NTN1: variants seen among roughly 807,000 people sequenced by gnomAD.
NTN1 encodes netrin-1.
NTN1 carries 11 observed loss-of-function variants against 54.2 expected under a neutral mutation model. The ratio of observed to expected loss-of-function variants is 0.20; its 90% CI spans 0.13 to 0.34. The LOEUF is 0.34. Among genes scored for constraint, NTN1 ranks in the 10% least tolerant of loss-of-function variants. The probability of loss-of-function intolerance (pLI) is 1.00; values close to 1 mark genes in which losing one functional copy is unlikely to be tolerated. For missense variants in NTN1, 740 were observed against 893.1 expected, an observed-to-expected ratio of 0.83 and a Z score of 2.18; for synonymous variants, 371 against 382.0, an observed-to-expected ratio of 0.97 and a Z score of 0.33.
At chr17:9,197,030 A>C in intron 5 of NTN1, among the ~76,000 whole-genome samples, 1 of 148,488 alleles carries the variant, frequency 6.7e-6, no homozygotes. Context: ...TGGTAAAATC[A>C]AAGCATTTTT....
intron 2 of NTN1, among the ~76,000 whole-genome samples, chr17:9,127,631 A>C (rs73268257): frequency 0.015 from 2,221 of 152,188 alleles, 56 homozygotes; most frequent in African/African-American, 0.047. Flanking sequence ...TAAAAGCCAC[A>C]GTGGGCACAG....
chr17:9,021,561 T>TGTGTGTGAGTGCGCGC lies in NTN1; in HGVS notation c.-87_-72dup. 6.7e-6 allele frequency: 1 copy of TGTGTGTGAGTGCGCGC among 149,140 alleles called. No individual in the cohort carries two copies. The highest frequency in any genetic ancestry group is 2.5e-5 in the African/African-American group (1 of 40,618). 9.2% of individuals were successfully genotyped at this position (149,140 alleles called of 1,614,324 possible). The stretch of plus-strand genomic sequence containing the variant: ...CGGAGCCTTCGGGGGCGAGCGCGCG[T>TGTGTGTGAGTGCGCGC]GTGTGTGAGTGCGCGCCGGCCAGCG... On this transcript the variant is annotated 5_prime_UTR_variant, in exon 1 of 7. Transcript: ENST00000173229.
chr17:9,216,423 TG>T (rs1343308255), intron 5 of NTN1, among the ~76,000 whole-genome samples: 2 of 152,260 alleles, frequency 1.3e-5, no homozygotes, highest in Non-Finnish European at 2.9e-5. Flanking sequence ...CATGCCCATT[TG>T]GCATGTACAC....
intron 3 of NTN1, chr17:9,173,870 G>A (rs1388556044): frequency 1.3e-5 from 2 of 152,328 alleles, no homozygotes; most frequent in African/African-American, 2.4e-5. Context: ...GAAGTCTTGT[G>A]AGGACTAGGA....
chr17:9,213,071 C>G (rs1374502950), intron 5 of NTN1, among the ~76,000 whole-genome samples: 4 of 152,208 alleles, frequency 2.6e-5, no homozygotes, highest in Non-Finnish European at 5.9e-5. Flanking sequence ...TGCAGGCCAC[C>G]TCTTGGCTCT....
At chr17:9,160,024 A>C (rs959342175) in intron 2 of NTN1, among the ~76,000 whole-genome samples, 13 of 152,160 alleles carry the variant, frequency 8.5e-5, no homozygotes, top group African/African-American at 3.1e-4. Flanking sequence ...CAACCCTGGG[A>C]GGTCCTTCTT....
rs142444167 is a variant in NTN1, at chr17:9,031,142, A to G, written c.1018+7751A>G. ...AGAGACTCCACACTTAATTGAGACA[A>G]TCTGTAGGACTACAGGGACCTCTAA... On this transcript the variant is annotated intron_variant, in intron 2 of 6. Coordinates refer to ENST00000173229, the MANE Select transcript of NTN1 (RefSeq NM_004822.3). Among the ~76,000 whole-genome samples the G allele has an allele frequency of 1.2e-3, 190 of 152,284 alleles. 1 individual carries two copies. Among genetic ancestry groups the G allele is most frequent in the African/African-American group, 3.9e-3 (164 of 41,556 alleles).
chr17:9,092,319 C>CTTTTTTTTTTTTTTTT (rs148786553), intron 2 of NTN1, among the ~76,000 whole-genome samples: 4 of 91,714 alleles, frequency 4.4e-5, no homozygotes, highest in Non-Finnish European at 6.2e-5. Flanking sequence ...CTTTTCTTCT[C>CTTTTTTTTTTTTTTTT]TTTTTTTTTT....
At chr17:9,044,286 G>A (rs1004840764) in intron 2 of NTN1, among the ~76,000 whole-genome samples, 1 of 151,240 alleles carries the variant, frequency 6.6e-6, no homozygotes, top group African/African-American at 2.4e-5. Flanking sequence ...CCAGGCTGGA[G>A]TGCAATGGCG....
intron 2 of NTN1, among the ~76,000 whole-genome samples, chr17:9,071,659 C>T (rs1008048059): frequency 1.3e-5 from 2 of 152,200 alleles, no homozygotes; most frequent in African/African-American, 2.4e-5. Context: ...TGCCCATGGG[C>T]GGGAGACCCT....
At chr17:9,236,875 G>A (rs1415808546) in intron 6 of NTN1, among the ~76,000 whole-genome samples, 3 of 152,196 alleles carry the variant, frequency 2.0e-5, no homozygotes, top group Non-Finnish European at 4.4e-5. Flanking sequence ...TTCACTGATG[G>A]GGGAAAGCTC....
intron 6 of NTN1, among the ~76,000 whole-genome samples, chr17:9,227,431 AT>A (rs1258943397): frequency 6.8e-6 from 1 of 147,518 alleles, no homozygotes; most frequent in Non-Finnish European, 1.5e-5. Context: ...TACATACACC[AT>A]CACACCACAC....
At chr17:9,015,077 C>T in the NTN1 span, among the ~76,000 whole-genome samples, 6 of 152,192 alleles carry the variant, frequency 3.9e-5, no homozygotes, top group African/African-American at 1.2e-4. Flanking sequence ...TTAGTAGATG[C>T]TTGGCACACA....
chr17:9,187,479 A>T (rs918314821), intron 5 of NTN1, among the ~76,000 whole-genome samples: 3 of 152,128 alleles, frequency 2.0e-5, no homozygotes, highest in Non-Finnish European at 4.4e-5. Context: ...GATACACAGA[A>T]TGTGGCATAT....
At chr17:9,160,593 G>A (rs537912994) in intron 2 of NTN1, among the ~76,000 whole-genome samples, 132 of 152,324 alleles carry the variant, frequency 8.7e-4, no homozygotes, top group Non-Finnish European at 1.4e-3. Flanking sequence ...AGCAACTGTG[G>A]TTGGTAGAAA....
chr17:9,046,946 T>C (rs1220984342), intron 2 of NTN1, among the ~76,000 whole-genome samples: 3 of 152,212 alleles, frequency 2.0e-5, no homozygotes, highest in Non-Finnish European at 4.4e-5. Context: ...AGTATCTCAA[T>C]AAAGCAAGTC....
chr17:9,243,726 G>A lies in NTN1; in HGVS notation c.*3758G>A, dbSNP rs994750026. ...CTCCCTCTGCCCCCTCCTGTGTTTT[G>A]GATTTCTGTTCACTCAGAATTGTAA... On this transcript the variant is annotated 3_prime_UTR_variant, in exon 7 of 7. Coordinates refer to ENST00000173229, the MANE Select transcript of NTN1 (RefSeq NM_004822.3). 3.5e-4 allele frequency: 54 copies of A among 152,120 alleles called. No homozygotes were observed. The highest frequency in any genetic ancestry group is 1.2e-3 in the African/African-American group (49 of 41,372). 9.4% of individuals were successfully genotyped at this position (152,120 alleles called of 1,614,324 possible).
At chr17:9,063,857 A>G (rs1370130029) in intron 2 of NTN1, among the ~76,000 whole-genome samples, 1 of 151,998 alleles carries the variant, frequency 6.6e-6, no homozygotes, top group Non-Finnish European at 1.5e-5. Context: ...TTTTTAGCCA[A>G]GGCAGATGCA....
chr17:9,029,212 A>G (rs1206479822), intron 2 of NTN1, among the ~76,000 whole-genome samples: 1 of 152,172 alleles, frequency 6.6e-6, no homozygotes, highest in Non-Finnish European at 1.5e-5. Flanking sequence ...AAGACAGACC[A>G]CAAACTCCTA....
Sources: gnomAD v4.1 joint callset for allele counts (sites outside exome capture counted in the v4.1 genomes callset) on GRCh38, gnomAD v4.1.1 for gene constraint, MANE v1.5 for transcripts, NCBI Gene and HGNC (gene_info 2026-07-23, HGNC 2026-07-21) for gene names.